Variants in DOCK2 observed in about 807,000 individuals in gnomAD.
DOCK2 encodes the protein dedicator of cytokinesis protein 2.
Under a neutral mutation model 248.9 loss-of-function variants are expected in DOCK2, and 87 were observed. That is an observed-to-expected ratio of 0.35 (90% confidence interval 0.29 to 0.42). The LOEUF is 0.42. Ranked by LOEUF, DOCK2 falls within the 10% of genes least tolerant of loss-of-function variation. The probability of loss-of-function intolerance (pLI) is 1.00; values close to 1 mark genes in which losing one functional copy is unlikely to be tolerated. For synonymous variants in DOCK2, 805 were observed against 821.6 expected (o/e 0.98, Z 0.35); for missense variants, 1,747 against 2,300.2 (o/e 0.76, Z 4.92).
At chr5:170,073,741 T>C (rs1320908828) in intron 46 of DOCK2, among the ~76,000 whole-genome samples, 1 of 152,198 alleles carries the variant, frequency 6.6e-6, no homozygotes, top group Non-Finnish European at 1.5e-5. Context: ...TTGTTAACTT[T>C]TTGTAATACA....
At chr5:170,023,149 T>G (rs1212683652) in intron 33 of DOCK2, among the ~76,000 whole-genome samples, 1 of 152,068 alleles carries the variant, frequency 6.6e-6, no homozygotes, top group African/African-American at 2.4e-5. Flanking sequence ...AACAGGACTG[T>G]GTACCAGTCA....
At chr5:169,939,617 G>A (rs1776149922) in intron 27 of DOCK2, among the ~76,000 whole-genome samples, 1 of 152,062 alleles carries the variant, frequency 6.6e-6, no homozygotes, top group Non-Finnish European at 1.5e-5. Flanking sequence ...GGTGAGTGAT[G>A]CATTGTGTTA....
intron 27 of DOCK2, among the ~76,000 whole-genome samples, chr5:169,923,987 A>G (rs1172833897): frequency 2.6e-5 from 4 of 152,232 alleles, no homozygotes; most frequent in Non-Finnish European, 5.9e-5. Context: ...CTGGATTAAT[A>G]ACGTTTATCA....
intron 27 of DOCK2, among the ~76,000 whole-genome samples, chr5:169,977,543 G>A (rs10054166): frequency 0.3 from 45,071 of 152,102 alleles, 7,452 homozygotes; most frequent in Middle Eastern, 0.39. Context: ...AGATGAGGCA[G>A]CTGAGGCACA....
intron 27 of DOCK2, among the ~76,000 whole-genome samples, chr5:169,869,475 T>G (rs1458330339): frequency 1.3e-5 from 2 of 152,184 alleles, no homozygotes; most frequent in Non-Finnish European, 2.9e-5. Context: ...AAAGGAAAAT[T>G]GCCACTTTTC....
At chr5:169,803,350 A>C (rs960867476) in intron 26 of DOCK2, 144 bp downstream of exon 26, 21 of 1,057,990 alleles carry the variant, frequency 2.0e-5, no homozygotes, top group Non-Finnish European at 2.5e-5. Context: ...TTTTCCTGTG[A>C]CTAACCCCCA....
At chr5:169,884,600 A>G (rs1250554724) in intron 27 of DOCK2, 1 of 152,188 alleles carries the variant, frequency 6.6e-6, no homozygotes, top group Non-Finnish European at 1.5e-5. Context: ...CTTCCTAAAT[A>G]GCCTCACAAA....
At chr5:169,944,164 C>T (rs1776356496) in intron 27 of DOCK2, among the ~76,000 whole-genome samples, 1 of 152,134 alleles carries the variant, frequency 6.6e-6, no homozygotes, top group African/African-American at 2.4e-5. Flanking sequence ...GGCTCAGGGG[C>T]GTGAGCTGCC....
At chr5:169,998,766 G>T (rs899273979) in intron 30 of DOCK2, among the ~76,000 whole-genome samples, 3 of 152,156 alleles carry the variant, frequency 2.0e-5, no homozygotes, top group Non-Finnish European at 4.4e-5. Flanking sequence ...CCTTGCAGTG[G>T]GTTGACTGCC....
intron 27 of DOCK2, among the ~76,000 whole-genome samples, chr5:169,910,859 A>G (rs1390192707): frequency 6.6e-6 from 1 of 152,100 alleles, no homozygotes; most frequent in East Asian, 1.9e-4. Flanking sequence ...TCTCCAGCCC[A>G]CCTAGTCGGT....
chr5:169,952,437 G>A lies in DOCK2; in HGVS notation c.2800-30631G>A, dbSNP rs534879635. Among the ~76,000 whole-genome samples, 16 of 152,156 alleles carry A rather than the reference G, an allele frequency of 1.1e-4. No individual in the cohort carries two copies. The South Asian group carries it at 3.1e-3, about 30-fold the overall frequency. ...CCCCTTTAAGTAAAGGACAAACAGA[G>A]AAGTAGCACTGAGTCAGATTTTTGC... is the stretch of plus-strand genomic sequence containing the variant. On this transcript the variant is annotated intron_variant, in intron 27 of 51. Coordinates refer to ENST00000520908, the MANE Select transcript of DOCK2 (RefSeq NM_004946.3).
chr5:170,049,106 C>T (rs1436145275), intron 40 of DOCK2, among the ~76,000 whole-genome samples: 3 of 152,144 alleles, frequency 2.0e-5, no homozygotes, highest in Non-Finnish European at 2.9e-5. Flanking sequence ...AGTGCAGACT[C>T]CTAGGCCCCA....
chr5:170,042,332 C>T (rs1165619195), intron 38 of DOCK2, among the ~76,000 whole-genome samples, 200 bp downstream of exon 38: 3 of 152,184 alleles, frequency 2.0e-5, no homozygotes, highest in South Asian at 2.1e-4. Flanking sequence ...CTGGACACTG[C>T]GATGGATCCT....
chr5:170,072,669 C>T (rs991985799), intron 46 of DOCK2, among the ~76,000 whole-genome samples: 24 of 152,194 alleles, frequency 1.6e-4, no homozygotes, highest in African/African-American at 4.3e-4. Flanking sequence ...TCCACATTCT[C>T]CCTGACACTT....
intron 5 of DOCK2, 107 bp downstream of exon 5, chr5:169,671,281 G>A: frequency 1.1e-6 from 1 of 944,804 alleles, no homozygotes; most frequent in Non-Finnish European, 1.7e-6. Flanking sequence ...TGGCTTTGGT[G>A]ACATAGCAGA....
chr5:169,746,676 G>A (rs999597190), intron 22 of DOCK2, among the ~76,000 whole-genome samples: 3 of 152,146 alleles, frequency 2.0e-5, no homozygotes, highest in African/African-American at 4.8e-5. Flanking sequence ...GCAGGTACCT[G>A]GAGACTGGTT....
intron 30 of DOCK2, among the ~76,000 whole-genome samples, chr5:169,996,385 A>G (rs1754636849): frequency 6.6e-6 from 1 of 152,242 alleles, no homozygotes; most frequent in African/African-American, 2.4e-5. Flanking sequence ...ATGTGACGGT[A>G]TAATGGCCTC....
intron 26 of DOCK2, among the ~76,000 whole-genome samples, chr5:169,817,261 C>G (rs1275682660): frequency 2.0e-5 from 3 of 152,228 alleles, no homozygotes; most frequent in African/African-American, 7.2e-5. Context: ...TTGACATTTG[C>G]TCTTGTCATG....
intron 26 of DOCK2, among the ~76,000 whole-genome samples, chr5:169,835,350 G>A (rs1769502742): frequency 6.6e-6 from 1 of 150,910 alleles, no homozygotes; most frequent in South Asian, 2.1e-4. Flanking sequence ...TGCCTCCTGG[G>A]ATCTACCTAT....
Sources: allele counts gnomAD v4.1 joint callset (sites outside exome capture counted in the v4.1 genomes callset), GRCh38; gene constraint gnomAD v4.1.1; transcripts MANE v1.5; gene names NCBI Gene and HGNC (gene_info 2026-07-23, HGNC 2026-07-21).